Variants in LMNTD1 observed in about 807,000 individuals in gnomAD.
The protein encoded by LMNTD1 is lamin tail domain containing 1, also known as lamin tail domain-containing protein 1.
In LMNTD1, 35 loss-of-function variants were observed where a neutral mutation model predicts 50.9. That is an observed-to-expected ratio of 0.69 (90% CI 0.53 to 0.91). LMNTD1 has a LOEUF of 0.91. Among genes scored for constraint, LMNTD1 ranks in the 40% least tolerant of loss-of-function variants. LMNTD1 has a pLI of 0.00. For synonymous variants in LMNTD1, 153 were observed against 161.9 expected, an observed-to-expected ratio of 0.94 and a Z score of 0.42; for missense variants, 470 against 475.5, an observed-to-expected ratio of 0.99 and a Z score of 0.11.
chr12:25,592,031 A>G (rs1296724475), intron 1 of LMNTD1, among the ~76,000 whole-genome samples: 4 of 152,146 alleles, frequency 2.6e-5, no homozygotes, highest in Non-Finnish European at 5.9e-5. Context: ...TTAAATTATA[A>G]CGCCTAAGTT....
chr12:25,508,679 A>T (rs1480606483), intron 8 of LMNTD1, among the ~76,000 whole-genome samples: 1 of 152,106 alleles, frequency 6.6e-6, no homozygotes, highest in Non-Finnish European at 1.5e-5. Context: ...GGTAATTAGT[A>T]TGTGTATATT....
intron 1 of LMNTD1, among the ~76,000 whole-genome samples, chr12:25,561,665 T>C (rs1055246626): frequency 6.6e-6 from 1 of 152,206 alleles, no homozygotes; most frequent in African/African-American, 2.4e-5. Context: ...GTCTGCTTGG[T>C]GCAGAGCTGA....
In LMNTD1 at chr12:25,571,914, C is replaced by A. The variant is rs1049441392; in HGVS notation, c.59-25360G>T. 3.3e-5 allele frequency among the ~76,000 whole-genome samples: 5 copies of A among 152,108 alleles called. No individual in the cohort carries two copies. The East Asian group carries it at 9.7e-4, about 29-fold the overall frequency. On this transcript the variant is annotated intron_variant, in intron 1 of 7. Coordinates refer to the LMNTD1 transcript ENST00000445693. ...TCAAACTCCTGGCCTCAAGTTGATC[C>A]ACCTGCCTCAGTCTCTCAAAGTGCT...
chr12:25,577,216 C>T (rs1945063646), intron 1 of LMNTD1, among the ~76,000 whole-genome samples: 1 of 152,212 alleles, frequency 6.6e-6, no homozygotes, highest in African/African-American at 2.4e-5. Flanking sequence ...TAGTTTTTTC[C>T]CATTCTGTGA....
intron 1 of LMNTD1, among the ~76,000 whole-genome samples, chr12:25,614,320 G>C (rs1946308383): frequency 6.6e-6 from 1 of 151,978 alleles, no homozygotes. Flanking sequence ...CTATAGCTCA[G>C]TTCTCGGTAC....
chr12:25,549,887 C>T (rs180827664), intron 2 of LMNTD1, among the ~76,000 whole-genome samples: 1 of 152,266 alleles, frequency 6.6e-6, no homozygotes, highest in Admixed American at 6.5e-5. Context: ...GTACTTTTTA[C>T]TCTAAGTGGA....
chr12:25,527,007 T>C (rs766007224), intron 4 of LMNTD1, 52 bp from the exon 5 acceptor site: 2 of 1,300,010 alleles, frequency 1.5e-6, no homozygotes, highest in South Asian at 1.4e-5. Flanking sequence ...GGAGTGTCTT[T>C]GACTCACTTT....
chr12:25,530,740 G>A (rs1942166690), intron 4 of LMNTD1, among the ~76,000 whole-genome samples: 1 of 152,084 alleles, frequency 6.6e-6, no homozygotes, highest in Non-Finnish European at 1.5e-5. Flanking sequence ...TTAACCCTTT[G>A]TGGTAAGCAA....
chr12:25,528,033 AT>A (rs1941941250), intron 4 of LMNTD1, among the ~76,000 whole-genome samples: 1 of 151,962 alleles, frequency 6.6e-6, no homozygotes. Context: ...GTGTTCTAAA[AT>A]TTCCTTTCCT....
intron 1 of LMNTD1, among the ~76,000 whole-genome samples, chr12:25,575,779 G>A (rs1944987919): frequency 6.6e-6 from 1 of 152,038 alleles, no homozygotes; most frequent in South Asian, 2.1e-4. Flanking sequence ...ATGTTGGTGT[G>A]CTGCACCCAT....
At chr12:25,586,783 A>G (rs1227124953) in intron 1 of LMNTD1, among the ~76,000 whole-genome samples, 1 of 152,184 alleles carries the variant, frequency 6.6e-6, no homozygotes, top group African/African-American at 2.4e-5. Context: ...TAGCTTTTTA[A>G]GTGGTGAGTT....
chr12:25,579,161 C>T (rs943454744), intron 1 of LMNTD1, among the ~76,000 whole-genome samples: 1 of 152,208 alleles, frequency 6.6e-6, no homozygotes, highest in Non-Finnish European at 1.5e-5. Flanking sequence ...TAAATATACA[C>T]AGTCAGCCCT....
chr12:25,522,056 C>T (rs1941356527), intron 6 of LMNTD1, among the ~76,000 whole-genome samples: 1 of 152,172 alleles, frequency 6.6e-6, no homozygotes, highest in African/African-American at 2.4e-5. Context: ...ACACTGTAAC[C>T]TTTGAACATC....
intron 1 of LMNTD1, among the ~76,000 whole-genome samples, chr12:25,600,308 T>G (rs926365176): frequency 3.3e-5 from 5 of 151,960 alleles, no homozygotes; most frequent in Non-Finnish European, 7.4e-5. Flanking sequence ...CAAAATGAAT[T>G]ACGGACTTAA....
intron 9 of LMNTD1, among the ~76,000 whole-genome samples, chr12:25,501,755 A>G (rs1156601593): frequency 6.6e-6 from 1 of 152,216 alleles, no homozygotes; most frequent in Non-Finnish European, 1.5e-5. Context: ...GATGCTCATG[A>G]ATACCAGTAA....
chr12:25,624,800 A>G (rs1048937971), intron 1 of LMNTD1, among the ~76,000 whole-genome samples: 16 of 152,240 alleles, frequency 1.1e-4, no homozygotes, highest in Admixed American at 2.6e-4. Flanking sequence ...CCTGGGTTTT[A>G]AAATACCTCC....
At chr12:25,514,354 C>A (rs988255335) in intron 8 of LMNTD1, among the ~76,000 whole-genome samples, 6 of 152,062 alleles carry the variant, frequency 3.9e-5, no homozygotes, top group African/African-American at 1.2e-4. Context: ...AAAACAACTT[C>A]AAATATATTA....
chr12:25,530,998 G>A (rs925761738), intron 4 of LMNTD1, among the ~76,000 whole-genome samples: 11 of 152,198 alleles, frequency 7.2e-5, no homozygotes, highest in African/African-American at 1.4e-4. Flanking sequence ...AGAAGGATTC[G>A]ATGCACTGTT....
At chr12:25,577,885 C>T (rs747532744) in intron 1 of LMNTD1, among the ~76,000 whole-genome samples, 4 of 152,112 alleles carry the variant, frequency 2.6e-5, no homozygotes, top group Non-Finnish European at 4.4e-5. Context: ...GATCCCACTT[C>T]CCTGTCCTAT....
Sources: gnomAD v4.1 joint callset for allele counts (sites outside exome capture counted in the v4.1 genomes callset) on GRCh38, gnomAD v4.1.1 for gene constraint, MANE v1.5 for transcripts, NCBI Gene and HGNC (gene_info 2026-07-23, HGNC 2026-07-21) for gene names.